ATP10A: variants seen among roughly 807,000 people sequenced by gnomAD.
ATP10A encodes ATPase phospholipid transporting 10A (putative).
ATP10A carries 111 observed loss-of-function variants against 147.8 expected under a neutral mutation model. The ratio of observed to expected loss-of-function variants is 0.75; its 90% CI spans 0.64 to 0.88. The LOEUF is 0.88. Ranked by LOEUF, ATP10A falls within the 40% of genes least tolerant of loss-of-function variation. ATP10A has a pLI of 0.00. For synonymous variants in ATP10A, 875 were observed against 841.6 expected (o/e 1.04, Z -0.69); for missense variants, 1,927 against 1,959.0 (o/e 0.98, Z 0.31).
intron 2 of ATP10A, among the ~76,000 whole-genome samples, chr15:25,769,532 A>G (rs1035867798): frequency 2.0e-5 from 3 of 151,122 alleles, no homozygotes; most frequent in African/African-American, 7.3e-5. Flanking sequence ...TATACTAACC[A>G]TAACCATCAG....
In ATP10A at chr15:25,719,980, C is replaced by T. The variant is rs80109026; in HGVS notation, c.1364-1581G>A. On this transcript the variant is annotated intron_variant, in intron 7 of 20. Transcript: ENST00000555815. ...TGTCAATAGCTAGCTGATCCAGGCA[C>T]TTCTCTAAAACACGCTGCTGAGATG... Among the ~76,000 whole-genome samples, 1,411 of 152,266 alleles carry T rather than the reference C, an allele frequency of 9.3e-3. 24 individuals are homozygous for T. The highest frequency in any genetic ancestry group is 0.032 in the African/African-American group (1,345 of 41,540).
intron 1 of ATP10A, among the ~76,000 whole-genome samples, chr15:25,855,566 A>G (rs1257887856): frequency 6.6e-6 from 1 of 151,904 alleles, no homozygotes; most frequent in East Asian, 1.9e-4. Flanking sequence ...ACACACACAC[A>G]CACACACATA....
intron 1 of ATP10A, among the ~76,000 whole-genome samples, chr15:25,795,323 C>A (rs961728338): frequency 6.6e-6 from 1 of 152,066 alleles, no homozygotes; most frequent in Non-Finnish European, 1.5e-5. Flanking sequence ...GGAGGGCCTG[C>A]GCCAACTTGG....
intron 2 of ATP10A, among the ~76,000 whole-genome samples, chr15:25,779,204 A>C (rs1000763550): frequency 1.3e-5 from 2 of 152,158 alleles, no homozygotes; most frequent in African/African-American, 2.4e-5. Context: ...GAGTTGATCA[A>C]GGAGATCTAT....
chr15:25,862,549 A>G lies in ATP10A; in HGVS notation c.449+99T>C, dbSNP rs966875569. 14 of 1,317,622 alleles carry G rather than the reference A, an allele frequency of 1.1e-5. No homozygotes were observed. The African/African-American group carries it at 1.6e-4, about 15-fold the overall frequency. 81.6% of individuals were successfully genotyped at this position (1,317,622 alleles called of 1,614,324 possible). ...TCCACCCTGAGTGGAGCTGCCTTCT[A>G]AGCACCCAGCCCCTGCCAATCACTG... is the stretch of plus-strand genomic sequence containing the variant. On this transcript the variant is annotated intron_variant, in intron 1 of 20. Transcript: ENST00000555815.
rs1394312466 is a variant in ATP10A at position 25,691,752 on chromosome 15, T to C, written c.3128A>G (p.Asp1043Gly). 1.2e-6 allele frequency: 2 copies of C among 1,614,208 alleles called. No homozygotes were observed. Among genetic ancestry groups the C allele is most frequent in the South Asian group, 1.1e-5 (1 of 91,084 alleles). ...CTGGCCGGAGATTCCCACACCCACATCTGCCACCTGGATCATGCTGACATC... is the reference window on the plus strand; with the variant it reads ...CTGGCCGGAGATTCCCACACCCACACCTGCCACCTGGATCATGCTGACATC... ...ANDVSMIQVA[D>G]VGVGISGQEG... is the part of the protein sequence containing the mutation. The change falls in exon 15 of 21, where the codon GAT (aspartate) becomes GGT (glycine). Residue 1043 changes from aspartate to glycine, a missense_variant. By Grantham distance (94) the Asp-to-Gly change is moderately conservative. Coordinates refer to ENST00000555815, the MANE Select transcript of ATP10A (RefSeq NM_024490.4).
At chr15:25,845,946 G>A (rs28639856) in intron 1 of ATP10A, among the ~76,000 whole-genome samples, 7,140 of 152,298 alleles carry the variant, frequency 0.047, 461 homozygotes, top group African/African-American at 0.14. Flanking sequence ...AAGATGTGGT[G>A]GTGGGTTCAT....
At chr15:25,827,868 T>A (rs1892181977) in intron 1 of ATP10A, among the ~76,000 whole-genome samples, 1 of 152,178 alleles carries the variant, frequency 6.6e-6, no homozygotes, top group Non-Finnish European at 1.5e-5. Flanking sequence ...ATAGATTTTT[T>A]AAAAAGCACA....
At position 25,683,313 on chromosome 15, in the gene ATP10A, C is replaced by T. The variant is rs201098742; in HGVS notation, c.3465G>A (p.Gln1155=). 80 of 1,614,002 alleles carry T rather than the reference C, an allele frequency of 5.0e-5. No homozygotes were observed. The East Asian group carries it at 1.7e-3, about 35-fold the overall frequency. Reference sequence around the variant, plus strand: ...CCATGTTCTGGCCACTCTTGTAGAGCTGCGGGTTGGTCAGCAGCACATTGG... The same window carrying T: ...CCATGTTCTGGCCACTCTTGTAGAGTTGCGGGTTGGTCAGCAGCACATTGG... The part of the protein sequence containing the change: ...VPANVLLTNP[Q]LYKSGQNMEE... Residue 1155 remains glutamine, a synonymous_variant, in exon 17 of 21, where the codon CAG becomes CAA. Transcript: ENST00000555815.
At chr15:25,782,785 C>A (rs1242281162) in intron 1 of ATP10A, among the ~76,000 whole-genome samples, 4 of 152,138 alleles carry the variant, frequency 2.6e-5, no homozygotes, top group African/African-American at 4.8e-5. Flanking sequence ...GCGGTTTTGG[C>A]CATTTTTAAA....
Position 25,679,938 on chromosome 15 carries a change from G to A in ATP10A, c.3903C>T (p.Pro1301=). Residue 1301 remains proline (P), a synonymous_variant, in exon 21 of 21, where the codon CCC becomes CCT. Coordinates refer to ENST00000555815, the MANE Select transcript of ATP10A (RefSeq NM_024490.4). The part of the protein sequence containing the change: ...FFRSLQGRVF[P]TQLQLARQLT... ...ACTGACGTGCCAGCTGAAGTTGTGT[G>A]GGGAAAACCCTCCCCTGGAGGGATC... 4 of 1,605,902 alleles carry A rather than the reference G, an allele frequency of 2.5e-6. No homozygotes were observed. The highest frequency in any genetic ancestry group is 3.4e-6 in the Non-Finnish European group (4 of 1,174,462).
rs1901948836 is a variant in ATP10A at position 25,718,232 on chromosome 15, C to T, written c.1531G>A (p.Ala511Thr). 1 of 1,613,062 alleles carries T rather than the reference C, an allele frequency of 6.2e-7. No homozygotes were observed. The highest frequency in any genetic ancestry group is 8.5e-7 in the Non-Finnish European group (1 of 1,179,996). Residue 511 changes from alanine to threonine, a missense_variant, in exon 8 of 21, where the codon GCC becomes ACC. Transcript: ENST00000555815. ...TTGGACAGCATGCTGGCCCTCTTGG[C>T]CTCGGCCCGGCTGCCCGTGCGCCGG... is the stretch of plus-strand genomic sequence containing the variant. ...SHRRTGSRAE[A>T]KRASMLSKHT...
intron 1 of ATP10A, among the ~76,000 whole-genome samples, chr15:25,851,176 G>C (rs1479728052): frequency 6.6e-6 from 1 of 152,114 alleles, no homozygotes. Context: ...AGGCAGATCT[G>C]ATGCTGAAAC....
intron 3 of ATP10A, among the ~76,000 whole-genome samples, chr15:25,734,017 G>A (rs1332514541): frequency 6.6e-6 from 1 of 152,210 alleles, no homozygotes; most frequent in African/African-American, 2.4e-5. Context: ...CCAGGCCTGG[G>A]GGTACACAGC....
intron 1 of ATP10A, among the ~76,000 whole-genome samples, chr15:25,817,310 T>TA (rs1311415210): frequency 6.6e-6 from 1 of 152,106 alleles, no homozygotes; most frequent in Non-Finnish European, 1.5e-5. Flanking sequence ...CTCAAACTCC[T>TA]AACTTTGGGT....
chr15:25,711,934 A>G (rs1003836847), intron 10 of ATP10A, among the ~76,000 whole-genome samples: 10 of 152,154 alleles, frequency 6.6e-5, no homozygotes, highest in African/African-American at 2.2e-4. Flanking sequence ...CCCAACTTGC[A>G]GACAAACGAG....
chr15:25,688,752 AAT>A (rs1346630937), intron 15 of ATP10A, among the ~76,000 whole-genome samples: 1 of 152,202 alleles, frequency 6.6e-6, no homozygotes, highest in African/African-American at 2.4e-5. Flanking sequence ...CTTGAAATGG[AAT>A]AGTGTCATGA....
chr15:25,738,040 C>A (rs1483273861), intron 2 of ATP10A, among the ~76,000 whole-genome samples: 1 of 152,202 alleles, frequency 6.6e-6, no homozygotes, highest in East Asian at 1.9e-4. Context: ...AATACAGAGA[C>A]CATCTTTGAG....
At chr15:25,846,395 C>T (rs1050491699) in intron 1 of ATP10A, among the ~76,000 whole-genome samples, 2 of 152,190 alleles carry the variant, frequency 1.3e-5, no homozygotes, top group Non-Finnish European at 2.9e-5. Context: ...GCTGTGTGTG[C>T]CAGTGGAGCA....
Sources: gnomAD v4.1 joint callset for allele counts (sites outside exome capture counted in the v4.1 genomes callset) on GRCh38, gnomAD v4.1.1 for gene constraint, MANE v1.5 for transcripts, NCBI Gene and HGNC (gene_info 2026-07-23, HGNC 2026-07-21) for gene names.